ALDH1L1: variants seen among roughly 807,000 people sequenced by gnomAD.
The protein encoded by ALDH1L1 is aldehyde dehydrogenase 1 family member L1.
ALDH1L1 carries 68 observed loss-of-function variants against 101.1 expected under a neutral mutation model. That is an observed-to-expected ratio of 0.67 (90% confidence interval 0.55 to 0.82). The LOEUF (loss-of-function observed/expected upper bound fraction) is 0.82, where lower values mean the gene tolerates loss of function less well. Among genes scored for constraint, ALDH1L1 ranks in the 40% least tolerant of loss-of-function variants. The pLI, the probability that ALDH1L1 is intolerant of heterozygous loss-of-function variation, is 0.00. For missense variants in ALDH1L1, 1,087 were observed against 1,172.7 expected (o/e 0.93, Z 1.07); for synonymous variants, 486 against 470.8 (o/e 1.03, Z -0.42).
At chr3:126,150,044 G>A (rs2080777602) in intron 8 of ALDH1L1, among the ~76,000 whole-genome samples, 1 of 152,218 alleles carries the variant, frequency 6.6e-6, no homozygotes, top group African/African-American at 2.4e-5. Flanking sequence ...CCGGGATGCT[G>A]CCTCTGGTGC....
chr3:126,105,910 C>T lies in ALDH1L1; in HGVS notation c.2469G>A (p.Val823=). ...ATTCCGTGGCATTGGCCCGAGACAG[C>T]ACGGCATCCAAGTCCCTGGAGAGAA... The part of the protein sequence containing the change: ...SRFADGDLDA[V]LSRANATEFG... The change falls in exon 22 of 23, where the codon GTG becomes GTA. Residue 823 remains valine (V), a synonymous_variant. Coordinates refer to ENST00000393434, the MANE Select transcript of ALDH1L1 (RefSeq NM_012190.4). 6.8e-6 allele frequency: 11 copies of T among 1,613,226 alleles called. No individual in the cohort carries two copies. Among genetic ancestry groups the T allele is most frequent in the Non-Finnish European group, 9.3e-6 (11 of 1,179,202 alleles).
chr3:126,187,539 T>C (rs1455504685), intron 1 of ALDH1L1, among the ~76,000 whole-genome samples: 1 of 152,060 alleles, frequency 6.6e-6, no homozygotes, highest in African/African-American at 2.4e-5. Context: ...GGAAGGACCC[T>C]GGGCCGTATT....
At chr3:126,158,984 G>A (rs374397497) in intron 2 of ALDH1L1, among the ~76,000 whole-genome samples, 3 of 152,276 alleles carry the variant, frequency 2.0e-5, no homozygotes, top group Admixed American at 6.5e-5. Flanking sequence ...CTCACTCTGT[G>A]ATGGGGACTG....
intron 18 of ALDH1L1, among the ~76,000 whole-genome samples, chr3:126,113,654 C>T (rs1029523079): frequency 2.6e-5 from 4 of 152,182 alleles, no homozygotes; most frequent in Non-Finnish European, 4.4e-5. Flanking sequence ...GTTTCTCCAC[C>T]AAATGAGGTT....
At chr3:126,185,100 G>A (rs761388616), upstream of ALDH1L1, among the ~76,000 whole-genome samples, 21 of 152,170 alleles carry the variant, frequency 1.4e-4, no homozygotes, top group African/African-American at 2.2e-4. Flanking sequence ...CGAAGGTAGG[G>A]ATGAGACTTA....
chr3:126,181,006 C>T, upstream of ALDH1L1: 3 of 1,606,340 alleles, frequency 1.9e-6, no homozygotes, highest in Non-Finnish European at 2.5e-6. Flanking sequence ...AGACGCTGCC[C>T]TCCGGGAATT....
intron 1 of ALDH1L1, among the ~76,000 whole-genome samples, chr3:126,187,009 C>T (rs899114286): frequency 2.6e-5 from 4 of 152,108 alleles, no homozygotes; most frequent in African/African-American, 7.2e-5. Flanking sequence ...CATCCAGGAA[C>T]AGGCACCCAG....
chr3:126,154,580 C>T lies in ALDH1L1; in HGVS notation c.694G>A (p.Gly232Arg). ...NWIRGNDKVP[G>R]AWTEACEQKL... ...TGTTCACAGGCCTCTGTCCAGGCTC[C>T]CGGCACCTTGTCGTTCCCGCGGATC... Residue 232 changes from glycine (G) to arginine (R), a missense_variant, in exon 6 of 23, where the codon GGA (glycine) becomes AGA (arginine). Gly to Arg is a moderately radical substitution (Grantham distance 125). Around this residue, in one of 2 missense-constraint regions of ALDH1L1, gnomAD observed 645 missense variants for 637.0 expected, o/e 1.01. Transcript: ENST00000393434. 6.2e-7 allele frequency: 1 copy of T among 1,614,188 alleles called. No homozygotes were observed. The highest frequency in any genetic ancestry group is 1.1e-5 in the South Asian group (1 of 91,082).
At chr3:126,158,668 C>A (rs2080971550) in intron 2 of ALDH1L1, 29 bp from the exon 3 acceptor site, 1 of 1,600,054 alleles carries the variant, frequency 6.2e-7, no homozygotes, top group Admixed American at 1.7e-5. Flanking sequence ...GAAACTGGCC[C>A]CTCTCCATAA....
intron 14 of ALDH1L1, chr3:126,128,655 T>G (rs1259421467): frequency 6.6e-6 from 1 of 152,338 alleles, no homozygotes; most frequent in Non-Finnish European, 1.5e-5. Context: ...CTACCTGCCT[T>G]TGGGCGAGCC....
At chr3:126,117,972 AG>A (rs2080006913) in intron 17 of ALDH1L1, 32 bp downstream of exon 17, 1 of 1,579,046 alleles carries the variant, frequency 6.3e-7, no homozygotes, top group African/African-American at 1.3e-5. Context: ...AGCCCACAGC[AG>A]CCCCTCCTCT....
intron 22 of ALDH1L1, 156 bp downstream of exon 22, chr3:126,105,570 G>T: frequency 2.4e-6 from 2 of 842,808 alleles, no homozygotes; most frequent in Non-Finnish European, 3.9e-6. Flanking sequence ...TCACGGACTT[G>T]TCACAAGTTC....
intron 2 of ALDH1L1, among the ~76,000 whole-genome samples, chr3:126,159,220 G>A (rs1176576926): frequency 2.0e-5 from 3 of 151,056 alleles, no homozygotes; most frequent in South Asian, 2.1e-4. Context: ...GCACACATGC[G>A]TGCACACACA....
At chr3:126,147,062 G>T in intron 8 of ALDH1L1, 136 bp from the exon 9 acceptor site, 1 of 778,934 alleles carries the variant, frequency 1.3e-6, no homozygotes, top group Non-Finnish European at 2.0e-6. Context: ...CCAAGTTGTT[G>T]CCTCATCCCA....
chr3:126,189,499 G>GTTCAAGGCCCCA (rs890574244), intron 1 of ALDH1L1, among the ~76,000 whole-genome samples: 1 of 152,168 alleles, frequency 6.6e-6, no homozygotes. Flanking sequence ...CCCAGCCAAG[G>GTTCAAGGCCCCA]TTCAAGGCCC....
At chr3:126,110,218 T>C in intron 19 of ALDH1L1, 109 bp from the exon 20 acceptor site, 1 of 1,396,698 alleles carries the variant, frequency 7.2e-7, no homozygotes, top group South Asian at 1.3e-5. Flanking sequence ...GTCCACACTC[T>C]GTTCTAGCCT....
rs374600464 is a variant in ALDH1L1 at position 126,110,113 on chromosome 3, C to A, written c.2182-4G>T. On this transcript the variant is annotated splice_region_variant and splice_polypyrimidine_tract_variant and intron_variant, in intron 19 of 22. Transcript: ENST00000393434. ...TCATCTTCCGCACCTCTTCTACCTG[C>A]AGAAAGTCCTCCAAGTCAGGTGTGG... 7.7e-5 allele frequency: 124 copies of A among 1,613,828 alleles called. No individual in the cohort carries two copies. Among genetic ancestry groups the A allele is most frequent in the Non-Finnish European group, 1.0e-4 (119 of 1,179,900 alleles).
chr3:126,114,594 A>T lies in ALDH1L1; in HGVS notation c.2045T>A (p.Ile682Asn). 4 of 1,511,324 alleles carry T rather than the reference A, an allele frequency of 2.6e-6. No individual in the cohort carries two copies. The highest frequency in any genetic ancestry group is 3.5e-6 in the Non-Finnish European group (4 of 1,129,676). 93.6% of individuals were successfully genotyped at this position (1,511,324 alleles called of 1,614,324 possible). A position where few individuals can be genotyped will look rare whatever the true frequency, so the allele number is the denominator to read the frequency against. The change falls in exon 18 of 23, where the codon ATC (isoleucine) becomes AAC (asparagine). Residue 682 changes from isoleucine (I) to asparagine (N), a missense_variant. Ile to Asn is a moderately radical substitution (Grantham distance 149). Around this residue, in one of 2 missense-constraint regions of ALDH1L1, gnomAD observed 442 missense variants for 535.7 expected, o/e 0.83. Transcript: ENST00000393434. ...CTTGTTGAGGTCACAGTCAGCAAAG[A>T]TGATGAGGGGTGACTTCCCGCCCAG... ...LELGGKSPLI[I>N]FADCDLNKAV... is the part of the protein sequence containing the mutation.
At chr3:126,120,765 C>G (rs2080064603) in intron 16 of ALDH1L1, among the ~76,000 whole-genome samples, 1 of 152,086 alleles carries the variant, frequency 6.6e-6, no homozygotes, top group South Asian at 2.1e-4. Flanking sequence ...GCTCTAAAAT[C>G]AAGTCTATTT....
Sources: gnomAD v4.1 joint callset for allele counts (sites outside exome capture counted in the v4.1 genomes callset) on GRCh38, gnomAD v4.1.1 for gene constraint, gnomAD v4.1.1 regional missense constraint, MANE v1.5 for transcripts, NCBI Gene and HGNC (gene_info 2026-07-23, HGNC 2026-07-21) for gene names.